Variants in LONP2 observed in about 807,000 individuals in gnomAD.
The protein encoded by LONP2 is lon protease homolog 2, peroxisomal.
A neutral mutation model predicts 85.6 loss-of-function variants in LONP2; 60 were observed. That is an observed-to-expected ratio of 0.70 (90% CI 0.57 to 0.87). The LOEUF is 0.87. Ranked by LOEUF, LONP2 falls within the 40% of genes least tolerant of loss-of-function variation. The probability of loss-of-function intolerance (pLI) is 0.00; values close to 1 mark genes in which losing one functional copy is unlikely to be tolerated. For synonymous variants in LONP2, 395 were observed against 389.7 expected (o/e 1.01, Z -0.16); for missense variants, 860 against 1,063.5 (o/e 0.81, Z 2.66).
intron 11 of LONP2, among the ~76,000 whole-genome samples, chr16:48,332,730 A>G (rs1365084286): frequency 6.6e-6 from 1 of 151,726 alleles, no homozygotes; most frequent in Non-Finnish European, 1.5e-5. Context: ...AAAATTACAT[A>G]TATATACACA....
At chr16:48,281,681 T>C (rs1007684304) in intron 8 of LONP2, among the ~76,000 whole-genome samples, 2 of 152,196 alleles carry the variant, frequency 1.3e-5, no homozygotes, top group Admixed American at 1.3e-4. Flanking sequence ...ATTGTCTTTA[T>C]AGGCAATAAT....
chr16:48,319,736 C>G (rs1337188278), intron 11 of LONP2, among the ~76,000 whole-genome samples: 1 of 152,160 alleles, frequency 6.6e-6, no homozygotes, highest in Non-Finnish European at 1.5e-5. Context: ...ATACCCATCA[C>G]TATTGCCATA....
At chr16:48,319,178 G>A (rs1230120332) in intron 11 of LONP2, among the ~76,000 whole-genome samples, 5 of 151,998 alleles carry the variant, frequency 3.3e-5, no homozygotes, top group Non-Finnish European at 4.4e-5. Context: ...CCAGGAGTTC[G>A]AGACCAGCCT....
At chr16:48,305,707 T>C (rs1305505458) in intron 11 of LONP2, among the ~76,000 whole-genome samples, 2 of 152,218 alleles carry the variant, frequency 1.3e-5, no homozygotes, top group African/African-American at 4.8e-5. Flanking sequence ...TCTCTATCTC[T>C]AGCCCCACAA....
chr16:48,303,107 A>C (rs1972839487), intron 10 of LONP2, 65 bp from the exon 11 acceptor site: 1 of 1,558,074 alleles, frequency 6.4e-7, no homozygotes, highest in African/African-American at 1.4e-5. Context: ...AATGTTAATC[A>C]CATTACCTCT....
chr16:48,278,243 C>G (rs1206142612), intron 8 of LONP2, among the ~76,000 whole-genome samples: 2 of 152,142 alleles, frequency 1.3e-5, no homozygotes, highest in Non-Finnish European at 2.9e-5. Flanking sequence ...CTAATTCTGT[C>G]AAGACCTTCA....
At chr16:48,258,030 G>A (rs1027963678) in intron 3 of LONP2, among the ~76,000 whole-genome samples, 13 of 152,312 alleles carry the variant, frequency 8.5e-5, no homozygotes, top group African/African-American at 3.1e-4. Context: ...CGTCAACTGT[G>A]TGTCTGGTTT....
intron 1 of LONP2, among the ~76,000 whole-genome samples, chr16:48,244,958 C>G (rs1388384385): frequency 1.3e-5 from 2 of 152,176 alleles, no homozygotes; most frequent in African/African-American, 4.8e-5. Flanking sequence ...TTTCCAGGCC[C>G]TTTCTTTCTC....
rs187954710 is a variant in LONP2 at position 48,338,864 on chromosome 16, C to T, written c.1938+4506C>T. Reference sequence around the variant, plus strand: ...CGGAGGTTGCAATGAGCCAAGATCACGCCACTGCATTCCAGCCTGGGTGAC... The same window carrying T: ...CGGAGGTTGCAATGAGCCAAGATCATGCCACTGCATTCCAGCCTGGGTGAC... On this transcript the variant is annotated intron_variant, in intron 12 of 14. Coordinates refer to ENST00000285737, the MANE Select transcript of LONP2 (RefSeq NM_031490.5). Among the ~76,000 whole-genome samples the T allele has an allele frequency of 5.3e-4, 81 of 152,118 alleles. No individual in the cohort carries two copies. In the Middle Eastern group the frequency reaches 0.01, roughly 19 times the overall value.
intron 6 of LONP2, among the ~76,000 whole-genome samples, chr16:48,267,327 T>C (rs1486569985): frequency 1.3e-5 from 2 of 152,098 alleles, no homozygotes; most frequent in African/African-American, 4.8e-5. Flanking sequence ...TGAGATGGAG[T>C]CTCGCTCTGT....
chr16:48,272,259 G>A (rs1972120895), intron 7 of LONP2, among the ~76,000 whole-genome samples: 1 of 152,094 alleles, frequency 6.6e-6, no homozygotes, highest in Non-Finnish European at 1.5e-5. Context: ...ATTTCAATCT[G>A]ATTTTTTAAT....
At chr16:48,350,931 C>T (rs1960122452) in intron 14 of LONP2, among the ~76,000 whole-genome samples, 1 of 152,168 alleles carries the variant, frequency 6.6e-6, no homozygotes. Context: ...CTGGCCACCT[C>T]CAGGGCAGGT....
At chr16:48,276,318 CAT>C (rs1972206909) in intron 7 of LONP2, among the ~76,000 whole-genome samples, 1 of 152,142 alleles carries the variant, frequency 6.6e-6, no homozygotes, top group Non-Finnish European at 1.5e-5. Flanking sequence ...TTATACCAGT[CAT>C]GTGGCAGAAA....
chr16:48,262,839 A>G lies in LONP2; in HGVS notation c.949A>G (p.Met317Val). 6.2e-7 allele frequency: 1 copy of G among 1,611,738 alleles called. No individual in the cohort carries two copies. The highest frequency in any genetic ancestry group is 8.5e-7 in the Non-Finnish European group (1 of 1,178,742). The change falls in exon 6 of 15, where the codon ATG becomes GTG. Residue 317 changes from methionine (M) to valine (V), a missense_variant. Transcript: ENST00000285737. Reference protein sequence around the residue: ...YALTRNYLELMVELPWNKSTT... With the variant: ...YALTRNYLELVVELPWNKSTT... ...TCTGACTAGAAATTATTTGGAACTT[A>G]TGGTAGAACTTCCTTGGAACAAAAG...
chr16:48,358,217 C>G, downstream of LONP2, among the ~76,000 whole-genome samples: 1 of 152,082 alleles, frequency 6.6e-6, no homozygotes, highest in Admixed American at 6.6e-5. Flanking sequence ...CCTTAATTTG[C>G]TTAAATTAGC....
intron 8 of LONP2, among the ~76,000 whole-genome samples, chr16:48,279,657 G>T (rs1197456757): frequency 6.6e-6 from 1 of 151,934 alleles, no homozygotes; most frequent in Admixed American, 6.6e-5. Context: ...TTTTGCTGGG[G>T]TGGGGGAGGG....
intron 11 of LONP2, among the ~76,000 whole-genome samples, chr16:48,319,295 C>A (rs940721609): frequency 6.6e-6 from 1 of 151,956 alleles, no homozygotes; most frequent in Non-Finnish European, 1.5e-5. Flanking sequence ...GCAGGAGAAT[C>A]ACTTGAGCCC....
At chr16:48,260,128 T>C (rs1363369480) in intron 4 of LONP2, among the ~76,000 whole-genome samples, 1 of 152,176 alleles carries the variant, frequency 6.6e-6, no homozygotes, top group Non-Finnish European at 1.5e-5. Flanking sequence ...TTTTAAAAAA[T>C]ATATAATATG....
intron 12 of LONP2, among the ~76,000 whole-genome samples, chr16:48,338,412 GT>G (rs1346118448): frequency 3.3e-5 from 5 of 152,204 alleles, no homozygotes; most frequent in Non-Finnish European, 7.3e-5. Flanking sequence ...TCTGAGGTCT[GT>G]TTTAGAGGTA....
Sources: gnomAD v4.1 joint callset for allele counts (sites outside exome capture counted in the v4.1 genomes callset) on GRCh38, gnomAD v4.1.1 for gene constraint, MANE v1.5 for transcripts, NCBI Gene and HGNC (gene_info 2026-07-23, HGNC 2026-07-21) for gene names.